The following QNG1 variants were observed in gnomAD, a reference collection of about 807,000 sequenced individuals.
QNG1 encodes Q-nucleotide N-glycosylase 1.
At chr9:83,945,598 CTTA>C in the QNG1 span, among the ~76,000 whole-genome samples, 5 of 151,646 alleles carry the variant, frequency 3.3e-5, no homozygotes, top group Admixed American at 1.3e-4. Context: ...AATCCTAGGG[CTTA>C]TTATTATTAT....
the QNG1 span, chr9:83,938,686 AC>A: frequency 1.3e-5 from 2 of 151,516 alleles, no homozygotes; most frequent in South Asian, 2.1e-4. Context: ...AAAAAAAAAA[AC>A]ATAAGTCAAA....
the QNG1 span, chr9:83,938,521 G>A: frequency 6.6e-6 from 1 of 151,784 alleles, no homozygotes; most frequent in Non-Finnish European, 1.5e-5. Flanking sequence ...AATGATTAAG[G>A]TATACTGAAA....
the QNG1 span, chr9:83,955,394 ACATCT>A: frequency 5.6e-6 from 9 of 1,613,740 alleles, no homozygotes; most frequent in Non-Finnish European, 5.9e-6. Context: ...AAACAGAGTC[ACATCT>A]CTGTAAGAAG....
the QNG1 span, chr9:83,953,845 T>C: frequency 2.0e-6 from 3 of 1,536,024 alleles, no homozygotes; most frequent in Non-Finnish European, 2.6e-6. Context: ...TCAAGTACAC[T>C]GTGTATGAAA....
chr9:83,941,077 C>G, the QNG1 span, among the ~76,000 whole-genome samples: 59 of 152,298 alleles, frequency 3.9e-4, no homozygotes, highest in Admixed American at 1.7e-3. Context: ...CGCTCCCACC[C>G]GAGTAGAGCT....
the QNG1 span, among the ~76,000 whole-genome samples, chr9:83,943,330 T>C: frequency 2.7e-5 from 1 of 37,656 alleles, no homozygotes; most frequent in African/African-American, 1.6e-4. Flanking sequence ...ACAGAGCGTC[T>C]CAAAAAAAAA....
At chr9:83,944,929 A>G in the QNG1 span, 521 of 1,614,034 alleles carry the variant, frequency 3.2e-4, 6 homozygotes, top group South Asian at 4.9e-3. Flanking sequence ...TTTCCTTCCA[A>G]TACACTCCAC....
At chr9:83,953,883 C>T in the QNG1 span, 3 of 1,258,006 alleles carry the variant, frequency 2.4e-6, no homozygotes, top group Non-Finnish European at 3.4e-6. Context: ...ATATACAGTA[C>T]ACTGAACTTT....
the QNG1 span, among the ~76,000 whole-genome samples, chr9:83,948,194 G>A: frequency 6.7e-6 from 1 of 149,436 alleles, no homozygotes; most frequent in African/African-American, 2.5e-5. Flanking sequence ...GAGTGTCTCT[G>A]CCCGACCGCC....
At chr9:83,944,982 C>A in the QNG1 span, 1 of 1,599,650 alleles carries the variant, frequency 6.3e-7, no homozygotes, top group Non-Finnish European at 8.5e-7. Flanking sequence ...AAAAGAAACT[C>A]TTTTCCCCTG....
At chr9:83,948,541 C>T in the QNG1 span, among the ~76,000 whole-genome samples, 3 of 151,872 alleles carry the variant, frequency 2.0e-5, no homozygotes, top group South Asian at 2.1e-4. Context: ...CTGGCCGCCC[C>T]GTCTGGGAAG....
At chr9:83,953,609 G>A in the QNG1 span, 4 of 523,014 alleles carry the variant, frequency 7.6e-6, no homozygotes, top group East Asian at 7.2e-5. Flanking sequence ...GCCCCCCAAA[G>A]TGCTGGGATT....
At chr9:83,945,212 T>C in the QNG1 span, among the ~76,000 whole-genome samples, 1 of 151,276 alleles carries the variant, frequency 6.6e-6, no homozygotes, top group African/African-American at 2.4e-5. Context: ...AAGACCAGCC[T>C]GTGAAACATG....
the QNG1 span, among the ~76,000 whole-genome samples, chr9:83,950,591 CTTTTCTTTTT>C: frequency 7.7e-6 from 1 of 129,080 alleles, no homozygotes; most frequent in Admixed American, 8.1e-5. Flanking sequence ...TTTTTCTTTT[CTTTTCTTTTT>C]TTTTTTTTTT....
the QNG1 span, among the ~76,000 whole-genome samples, chr9:83,947,621 C>G: frequency 6.6e-6 from 1 of 152,228 alleles, no homozygotes; most frequent in African/African-American, 2.4e-5. Flanking sequence ...CTGCCTGATT[C>G]TCCTGCCTCA....
At chr9:83,940,696 T>G in the QNG1 span, among the ~76,000 whole-genome samples, 3 of 152,212 alleles carry the variant, frequency 2.0e-5, no homozygotes, top group Non-Finnish European at 4.4e-5. Flanking sequence ...TTTTCAAGTG[T>G]TGGAAACTAA....
chr9:83,941,220 T>G, the QNG1 span, among the ~76,000 whole-genome samples: 1 of 152,180 alleles, frequency 6.6e-6, no homozygotes, highest in African/African-American at 2.4e-5. Context: ...TTTAGCGTAA[T>G]TTGTTACACA....
chr9:83,952,041 A>G, the QNG1 span, among the ~76,000 whole-genome samples: 6 of 152,100 alleles, frequency 3.9e-5, no homozygotes, highest in Admixed American at 3.9e-4. Flanking sequence ...GGCTGGAGTA[A>G]AGTGGAACTA....
chr9:83,939,342 G>GGAGGC, the QNG1 span: 1 of 589,672 alleles, frequency 1.7e-6, no homozygotes, highest in South Asian at 2.0e-5. Flanking sequence ...ACAGTGCTGG[G>GGAGGC]ATTACAGGCA....
Sources: gnomAD v4.1 joint callset for allele counts (sites outside exome capture counted in the v4.1 genomes callset) on GRCh38, gnomAD v4.1.1 for gene constraint, MANE v1.5 for transcripts, NCBI Gene and HGNC (gene_info 2026-07-23, HGNC 2026-07-21) for gene names.